Variants in GUCY1A2 observed in about 807,000 individuals in gnomAD.
GUCY1A2 encodes the protein guanylate cyclase soluble subunit alpha-2.
GUCY1A2 carries 27 observed loss-of-function variants against 63.5 expected under a neutral mutation model. The ratio of observed to expected loss-of-function variants is 0.43; its 90% CI spans 0.31 to 0.59. The LOEUF is 0.59. Ranked by LOEUF, GUCY1A2 falls within the 20% of genes least tolerant of loss-of-function variation. The pLI is 0.11. For synonymous variants in GUCY1A2, 364 were observed against 343.5 expected (o/e 1.06, Z -0.66); for missense variants, 768 against 913.3 (o/e 0.84, Z 2.05).
At position 107,018,122 on chromosome 11, in the gene GUCY1A2, G is replaced by T; in HGVS notation, c.-67C>A. The T allele has an allele frequency of 1.8e-6, 2 of 1,097,874 alleles. No homozygotes were observed. The highest frequency in any genetic ancestry group is 4.6e-5 in the South Asian group (2 of 43,250). The allele number at this position is 1,097,874 out of a possible 1,614,324, so 68.0% of individuals were successfully genotyped here. A position where few individuals can be genotyped will look rare whatever the true frequency, so the allele number is the denominator to read the frequency against. On this transcript the variant is annotated 5_prime_UTR_variant, in exon 1 of 8. Coordinates refer to ENST00000526355, the MANE Select transcript of GUCY1A2 (RefSeq NM_000855.3). ...GACGCGAGCGGCGGCGGAGGCGGCGGTGGCGGGACCGGCAAGCGACAACGT... is the reference window on the plus strand; with the variant it reads ...GACGCGAGCGGCGGCGGAGGCGGCGTTGGCGGGACCGGCAAGCGACAACGT...
At chr11:106,738,345 T>C (rs1863627032) in intron 6 of GUCY1A2, among the ~76,000 whole-genome samples, 1 of 152,228 alleles carries the variant, frequency 6.6e-6, no homozygotes, top group Admixed American at 6.5e-5. Context: ...CTAGGTTGCC[T>C]GTTCACTCTG....
intron 6 of GUCY1A2, among the ~76,000 whole-genome samples, chr11:106,756,925 A>G (rs1184286735): frequency 6.6e-6 from 1 of 152,162 alleles, no homozygotes; most frequent in Non-Finnish European, 1.5e-5. Context: ...TCTCCTGGAT[A>G]ATATCCTGAA....
chr11:106,709,543 ATATT>A (rs1863020713), intron 6 of GUCY1A2, among the ~76,000 whole-genome samples: 1 of 58,782 alleles, frequency 1.7e-5, no homozygotes, highest in Admixed American at 2.7e-4. Context: ...ATAATATATT[ATATT>A]ATTATATAAA....
At chr11:106,774,372 C>G (rs1220283217) in intron 6 of GUCY1A2, among the ~76,000 whole-genome samples, 1 of 152,076 alleles carries the variant, frequency 6.6e-6, no homozygotes, top group African/African-American at 2.4e-5. Context: ...ACCTTGTGAT[C>G]CACCCTCTCA....
chr11:106,854,172 T>C (rs184006505), intron 4 of GUCY1A2, among the ~76,000 whole-genome samples: 35 of 152,244 alleles, frequency 2.3e-4, no homozygotes, highest in African/African-American at 7.2e-4. Flanking sequence ...GAGGGCCAGG[T>C]TGGCATGTGT....
chr11:106,880,092 C>T (rs1404620370), intron 4 of GUCY1A2, among the ~76,000 whole-genome samples: 4 of 151,962 alleles, frequency 2.6e-5, no homozygotes, highest in Non-Finnish European at 5.9e-5. Context: ...ATAACTTAAG[C>T]ATACCCTGAG....
At chr11:106,707,109 T>G (rs562775846) in intron 7 of GUCY1A2, among the ~76,000 whole-genome samples, 1 of 151,972 alleles carries the variant, frequency 6.6e-6, no homozygotes, top group Non-Finnish European at 1.5e-5. Context: ...ATTCAAAAAC[T>G]GTAAAATCAA....
Position 106,674,462 on chromosome 11 carries a change from CTAGA to C in GUCY1A2, c.*13083_*13086del, listed in dbSNP as rs151152544. On this transcript the variant is annotated 3_prime_UTR_variant, in exon 8 of 8. Transcript: ENST00000526355. Reference sequence around the variant, plus strand: ...AAAAAGTTTCTTTAAACCTGTACTACTAGATAAAGAAAAATATTTTAAAATATAA... The same window carrying C: ...AAAAAGTTTCTTTAAACCTGTACTACTAAAGAAAAATATTTTAAAATATAA... The C allele has an allele frequency of 3.4e-3, 603 of 175,336 alleles. 3 individuals are homozygous for C. Among genetic ancestry groups the C allele is most frequent in the African/African-American group, 0.013 (559 of 42,030 alleles). 10.9% of individuals were successfully genotyped at this position (175,336 alleles called of 1,614,324 possible).
intron 6 of GUCY1A2, 113 bp from the exon 7 acceptor site, chr11:106,708,779 C>G (rs1469909849): frequency 4.8e-6 from 3 of 630,358 alleles, no homozygotes; most frequent in Non-Finnish European, 7.4e-6. Flanking sequence ...AAACTATGAG[C>G]TCCTCAAAGA....
At chr11:106,866,657 C>G (rs559130798) in intron 4 of GUCY1A2, among the ~76,000 whole-genome samples, 1 of 152,052 alleles carries the variant, frequency 6.6e-6, no homozygotes, top group African/African-American at 2.4e-5. Context: ...TTTGCTAAAG[C>G]CTGAGCATTC....
intron 6 of GUCY1A2, among the ~76,000 whole-genome samples, chr11:106,762,729 C>A (rs1352392960): frequency 2.6e-5 from 4 of 151,954 alleles, no homozygotes; most frequent in Non-Finnish European, 5.9e-5. Context: ...GGCATGAATT[C>A]TTTCCCATTG....
At chr11:106,936,730 A>G (rs1339992526) in intron 4 of GUCY1A2, 3 of 1,200,664 alleles carry the variant, frequency 2.5e-6, no homozygotes, top group East Asian at 2.5e-5. Context: ...TTTTTTTTTT[A>G]TGGCAGACGT....
chr11:106,906,333 G>GA (rs1476928834), intron 4 of GUCY1A2, among the ~76,000 whole-genome samples: 1 of 152,050 alleles, frequency 6.6e-6, no homozygotes, highest in Admixed American at 6.6e-5. Context: ...ACAAACATAT[G>GA]AAAAAAATCT....
In GUCY1A2 at chr11:106,916,371, CT is replaced by C. The variant is rs764403938; in HGVS notation, c.1206+23088del. 8.3e-5 allele frequency among the ~76,000 whole-genome samples: 12 copies of C among 145,382 alleles called. 4 individuals carry two copies. Among genetic ancestry groups the C allele is most frequent in the Non-Finnish European group, 1.4e-4 (9 of 64,718 alleles). On this transcript the variant is annotated intron_variant, in intron 4 of 7. Coordinates refer to ENST00000526355, the MANE Select transcript of GUCY1A2 (RefSeq NM_000855.3). ...ACAAATGTTATAAATTACTGACTCT[CT>C]CTAATCCACATTGATAAAATCATAC...
intron 4 of GUCY1A2, among the ~76,000 whole-genome samples, chr11:106,937,944 AT>A (rs974224804): frequency 3.3e-5 from 5 of 150,454 alleles, no homozygotes; most frequent in South Asian, 2.1e-4. Flanking sequence ...TTCTCAAATA[AT>A]TTTTTTTTTG....
chr11:106,900,861 C>G (rs571199731), intron 4 of GUCY1A2, among the ~76,000 whole-genome samples: 3 of 152,300 alleles, frequency 2.0e-5, no homozygotes, highest in East Asian at 1.9e-4. Context: ...ATTATCTGAG[C>G]CTTCAGCAAC....
chr11:106,763,614 G>C (rs139600362), intron 6 of GUCY1A2, among the ~76,000 whole-genome samples: 5 of 152,136 alleles, frequency 3.3e-5, no homozygotes, highest in African/African-American at 1.2e-4. Context: ...AAATCTGGGC[G>C]GTCAATTGAA....
intron 2 of GUCY1A2, among the ~76,000 whole-genome samples, chr11:106,982,709 G>A (rs1409749684): frequency 6.6e-6 from 1 of 152,082 alleles, no homozygotes; most frequent in East Asian, 1.9e-4. Flanking sequence ...AAAGAGCATT[G>A]CATAAGAATG....
intron 6 of GUCY1A2, among the ~76,000 whole-genome samples, chr11:106,750,630 C>T (rs1863866150): frequency 6.6e-6 from 1 of 151,906 alleles, no homozygotes; most frequent in Non-Finnish European, 1.5e-5. Context: ...GAAATGAATT[C>T]AGCACTATAA....
Sources: gnomAD v4.1 joint callset for allele counts (sites outside exome capture counted in the v4.1 genomes callset) on GRCh38, gnomAD v4.1.1 for gene constraint, MANE v1.5 for transcripts, NCBI Gene and HGNC (gene_info 2026-07-23, HGNC 2026-07-21) for gene names.